The following RNF166 variants were observed in gnomAD, a reference collection of about 807,000 sequenced individuals.
RNF166 encodes the protein E3 ubiquitin-protein ligase RNF166.
A neutral mutation model predicts 29.4 loss-of-function variants in RNF166; 19 were observed. That is an observed-to-expected ratio of 0.65 (90% confidence interval 0.45 to 0.95). The LOEUF (loss-of-function observed/expected upper bound fraction) is 0.95, where lower values mean the gene tolerates loss of function less well. RNF166 is among the 40% of genes least tolerant of loss of function. The pLI is 0.00. For synonymous variants in RNF166, 171 were observed against 134.5 expected, an observed-to-expected ratio of 1.27 and a Z score of -1.88; for missense variants, 347 against 322.1, an observed-to-expected ratio of 1.08 and a Z score of -0.59.
At position 88,698,592 on chromosome 16, in the gene RNF166, C is replaced by T. The variant is rs147902671; in HGVS notation, c.558G>A (p.Ser186=). Residue 186 remains serine, a synonymous_variant, in exon 5 of 6, where the codon TCG becomes TCA. Coordinates refer to ENST00000312838, the MANE Select transcript of RNF166 (RefSeq NM_178841.4). Reference sequence around the variant, plus strand: ...AGCTGGGGTCCCCCCAGGGCATTGCCGAGCAGATGGGGCACACCTGGAACA... The same window carrying T: ...AGCTGGGGTCCCCCCAGGGCATTGCTGAGCAGATGGGGCACACCTGGAACA... ...DPNRVVCPIC[S]AMPWGDPSYK... is the part of the protein sequence containing the mutation. 139 of 1,538,184 alleles carry T rather than the reference C, an allele frequency of 9.0e-5. No homozygotes were observed. Among genetic ancestry groups the T allele is most frequent in the Middle Eastern group, 3.6e-4 (2 of 5,564 alleles).
At chr16:88,697,793 C>T (rs374679074) in intron 5 of RNF166, 160 bp from the exon 6 acceptor site, 75 of 612,714 alleles carry the variant, frequency 1.2e-4, no homozygotes, top group African/African-American at 1.0e-3. Context: ...GGGGCCTGCA[C>T]GGTCCTCTGG....
chr16:88,705,301 C>A (rs1335334085), intron 1 of RNF166, among the ~76,000 whole-genome samples: 1 of 152,210 alleles, frequency 6.6e-6, no homozygotes. Flanking sequence ...TCTGGGTGCA[C>A]CCCCCTCCAC....
intron 1 of RNF166, chr16:88,702,923 G>A (rs1910400468): frequency 3.0e-6 from 3 of 985,500 alleles, no homozygotes; most frequent in Non-Finnish European, 3.6e-6. Context: ...GGCCTCAGGG[G>A]ACCCCCATAC....
At chr16:88,699,920 C>T (rs1910040691) in intron 2 of RNF166, 188 bp from the exon 3 acceptor site, 2 of 504,406 alleles carry the variant, frequency 4.0e-6, no homozygotes, top group South Asian at 5.5e-5. Context: ...TACTCCATGG[C>T]CAAAAGCAAG....
chr16:88,697,354 C>T lies in RNF166; in HGVS notation c.*214G>A, dbSNP rs991681587. 3.0e-5 allele frequency: 14 copies of T among 462,554 alleles called. No homozygotes were observed. Among genetic ancestry groups the T allele is most frequent in the African/African-American group, 6.1e-5 (3 of 48,952 alleles). 28.7% of individuals were successfully genotyped at this position (462,554 alleles called of 1,614,324 possible). A position where few individuals can be genotyped will look rare whatever the true frequency, so the allele number is the denominator to read the frequency against. On this transcript the variant is annotated 3_prime_UTR_variant, in exon 6 of 6. Transcript: ENST00000312838. ...CGGCCAGAAGCACCGAAGAACCCAG[C>T]GACGCCGGTGGGACCAGGCGGCCCT...
chr16:88,703,502 G>A (rs1910476092), intron 1 of RNF166: 3 of 985,456 alleles, frequency 3.0e-6, no homozygotes, highest in South Asian at 9.4e-5. Flanking sequence ...CCGACTGGCA[G>A]GGCGGCTGGG....
At chr16:88,699,987 A>C (rs2879900) in intron 2 of RNF166, 119,905 of 348,690 alleles carry the variant, frequency 0.34, 23,731 homozygotes, top group East Asian at 0.76. Flanking sequence ...GGTAGCGGGA[A>C]ACAGGTAAGG....
chr16:88,700,249 G>C (rs928110059), intron 2 of RNF166, among the ~76,000 whole-genome samples: 4 of 152,126 alleles, frequency 2.6e-5, no homozygotes, highest in Admixed American at 1.3e-4. Context: ...CTCTGCCTAA[G>C]GGCTGCTGGA....
chr16:88,701,126 C>T lies in RNF166; in HGVS notation c.312+136G>A. ...GGGAGGGAGGCGCCGGGGCTGGCTT[C>T]CTGGTGCAGGAGCAGAGACCGCGAT... is the stretch of plus-strand genomic sequence containing the variant. On this transcript the variant is annotated intron_variant, in intron 2 of 5. Transcript: ENST00000312838. The T allele has an allele frequency of 2.3e-6, 3 of 1,297,204 alleles. No homozygotes were observed. In the South Asian group the frequency reaches 4.1e-5, roughly 18 times the overall value. 80.4% of individuals were successfully genotyped at this position (1,297,204 alleles called of 1,614,324 possible).
In RNF166 at chr16:88,706,184, T is replaced by A. The variant is rs940471715; in HGVS notation, c.142A>T (p.Ser48Cys). The change falls in exon 1 of 6, where the codon AGC becomes TGC. Residue 48 changes from serine to cysteine, a missense_variant. Physicochemically the swap from Ser to Cys is moderately radical, Grantham distance 112. Coordinates refer to ENST00000312838, the MANE Select transcript of RNF166 (RefSeq NM_178841.4). ...EVYHRPVAIG[S>C]CGHTFCGECL... is the part of the protein sequence containing the mutation. ...GGGCGCGCTCACGTGTGGCCGCAGC[T>A]GCCGATGGCCACGGGCCGGTGATAG... The A allele has an allele frequency of 1.9e-5, 24 of 1,277,938 alleles. No homozygotes were observed. The African/African-American group carries it at 3.8e-4, about 20-fold the overall frequency. The allele number at this position is 1,277,938 out of a possible 1,614,324, so 79.2% of individuals were successfully genotyped here.
At chr16:88,699,253 C>T (rs767590252) in intron 3 of RNF166, among the ~76,000 whole-genome samples, 168 bp from the exon 4 acceptor site, 44 of 152,234 alleles carry the variant, frequency 2.9e-4, no homozygotes, top group Admixed American at 2.6e-3. Context: ...CTCCTGAGGA[C>T]ACACCCAGGA....
intron 2 of RNF166, chr16:88,700,005 T>A: frequency 3.7e-6 from 1 of 269,314 alleles, no homozygotes; most frequent in East Asian, 7.0e-5. Flanking sequence ...AGGAGATCTC[T>A]GGCGCCTGCA....
chr16:88,703,789 C>T (rs1910504400), intron 1 of RNF166: 2 of 985,340 alleles, frequency 2.0e-6, no homozygotes, highest in South Asian at 4.7e-5. Flanking sequence ...CCGGGACTGC[C>T]AATGTGTCTC....
At chr16:88,701,644 C>A in intron 1 of RNF166, 1 of 495,632 alleles carries the variant, frequency 2.0e-6, no homozygotes, top group Non-Finnish European at 3.5e-6. Context: ...ACAGTAGGCC[C>A]CTGTGGTTTC....
rs765990449 is a variant in RNF166 at position 88,702,929 on chromosome 16, C to G, written c.156-1511G>C. The G allele has an allele frequency of 4.1e-6, 4 of 985,418 alleles. No homozygotes were observed. The East Asian group carries it at 3.4e-4, about 84-fold the overall frequency. 61.0% of individuals were successfully genotyped at this position (985,418 alleles called of 1,614,324 possible). On this transcript the variant is annotated intron_variant, in intron 1 of 5. Coordinates refer to ENST00000312838, the MANE Select transcript of RNF166 (RefSeq NM_178841.4). ...ACCTGGGGAGGCCTCAGGGGACCCC[C>G]ATACTCAGGCACTCATGGCAGGAGA...
At chr16:88,700,934 G>C in intron 2 of RNF166, 6 of 1,177,928 alleles carry the variant, frequency 5.1e-6, no homozygotes, top group Non-Finnish European at 6.3e-6. Context: ...CGGCTGGCAG[G>C]GGAAGGCTGC....
At chr16:88,697,975 C>T (rs560995732) in intron 5 of RNF166, 4 of 473,108 alleles carry the variant, frequency 8.5e-6, no homozygotes, top group African/African-American at 2.0e-5. Flanking sequence ...GCGTGGGTCC[C>T]GGACGACTGG....
At chr16:88,703,303 G>C (rs1024057734) in intron 1 of RNF166, 26 of 985,264 alleles carry the variant, frequency 2.6e-5, no homozygotes, top group Non-Finnish European at 3.1e-5. Flanking sequence ...TGCACCTCCT[G>C]AGTGAACCCT....
intron 1 of RNF166, among the ~76,000 whole-genome samples, chr16:88,705,690 C>T (rs1344310083): frequency 1.1e-4 from 17 of 152,282 alleles, no homozygotes; most frequent in Non-Finnish European, 1.8e-4. Context: ...ACAAGCCCCT[C>T]TAAACTTTAG....
Sources: allele counts gnomAD v4.1 joint callset (sites outside exome capture counted in the v4.1 genomes callset), GRCh38; gene constraint gnomAD v4.1.1; transcripts MANE v1.5; gene names NCBI Gene and HGNC (gene_info 2026-07-23, HGNC 2026-07-21).